Variants in SLC24A2 observed in about 807,000 individuals in gnomAD.
The protein encoded by SLC24A2 is sodium/potassium/calcium exchanger 2.
In SLC24A2, 36 loss-of-function variants were observed where a neutral mutation model predicts 62.0. That is an observed-to-expected ratio of 0.58 (90% CI 0.44 to 0.77). SLC24A2 has a LOEUF of 0.77. Ranked by LOEUF, SLC24A2 falls within the 30% of genes least tolerant of loss-of-function variation. The pLI is 0.00. For synonymous variants in SLC24A2, 358 were observed against 294.0 expected, an observed-to-expected ratio of 1.22 and a Z score of -2.23; for missense variants, 846 against 817.9, an observed-to-expected ratio of 1.03 and a Z score of -0.42.
the SLC24A2 span, among the ~76,000 whole-genome samples, chr9:20,085,975 T>C: frequency 6.6e-6 from 1 of 152,166 alleles, no homozygotes; most frequent in East Asian, 1.9e-4. Context: ...TTAACTTCTA[T>C]TGGCAGGATT....
the SLC24A2 span, among the ~76,000 whole-genome samples, chr9:20,006,154 C>T: frequency 6.6e-6 from 1 of 150,972 alleles, no homozygotes; most frequent in Non-Finnish European, 1.5e-5. Context: ...TTTATATATA[C>T]CTACTTTTCA....
At chr9:19,669,424 T>C (rs77245226) in intron 2 of SLC24A2, among the ~76,000 whole-genome samples, 5,036 of 152,234 alleles carry the variant, frequency 0.033, 184 homozygotes, top group East Asian at 0.093. Context: ...GTCCAAAATG[T>C]CAACAATGCA....
chr9:20,034,670 G>A, the SLC24A2 span, among the ~76,000 whole-genome samples: 1 of 151,820 alleles, frequency 6.6e-6, no homozygotes, highest in Admixed American at 6.6e-5. Flanking sequence ...GGGTTTCACC[G>A]TGTTAGCCAG....
the SLC24A2 span, among the ~76,000 whole-genome samples, chr9:19,884,908 G>T: frequency 8.5e-4 from 129 of 152,214 alleles, 1 homozygote; most frequent in Middle Eastern, 0.01. Flanking sequence ...TTTGACTTAG[G>T]ATTTTTTCAA....
the SLC24A2 span, among the ~76,000 whole-genome samples, chr9:19,989,941 A>G: frequency 2.0e-5 from 3 of 152,196 alleles, no homozygotes; most frequent in African/African-American, 7.2e-5. Context: ...GTAAGTGCCT[A>G]GAATGTCAGA....
the SLC24A2 span, among the ~76,000 whole-genome samples, chr9:20,019,083 G>GAGAAAGAGAGAAAGAA: frequency 9.4e-6 from 1 of 105,966 alleles, no homozygotes; most frequent in African/African-American, 3.4e-5. Flanking sequence ...CAGAGAAAGA[G>GAGAAAGAGAGAAAGAA]AGAAAGAAAG....
At chr9:20,086,676 C>T in the SLC24A2 span, among the ~76,000 whole-genome samples, 64 of 152,160 alleles carry the variant, frequency 4.2e-4, 1 homozygote, top group South Asian at 2.1e-4. Context: ...AGGTCACTAA[C>T]CTTTGCTCCT....
intron 2 of SLC24A2, among the ~76,000 whole-genome samples, chr9:19,719,033 G>A (rs1820947890): frequency 6.6e-6 from 1 of 152,156 alleles, no homozygotes; most frequent in Admixed American, 6.6e-5. Context: ...TTTGTAAAAG[G>A]AGTCTCAGTC....
chr9:19,722,648 A>G (rs1821060223), intron 2 of SLC24A2, among the ~76,000 whole-genome samples: 2 of 65,344 alleles, frequency 3.1e-5, no homozygotes, highest in Non-Finnish European at 5.6e-5. Flanking sequence ...AAGTTAAGAA[A>G]TAGGATATTA....
At chr9:20,096,014 G>A in the SLC24A2 span, among the ~76,000 whole-genome samples, 1 of 152,096 alleles carries the variant, frequency 6.6e-6, no homozygotes, top group African/African-American at 2.4e-5. Context: ...GTGGAATTAT[G>A]GGAGCTACAA....
the SLC24A2 span, among the ~76,000 whole-genome samples, chr9:20,207,307 A>G: frequency 6.6e-6 from 1 of 152,208 alleles, no homozygotes; most frequent in African/African-American, 2.4e-5. Context: ...AAGCTTATCT[A>G]TGGCTTACCC....
At chr9:20,002,641 CCA>C in the SLC24A2 span, among the ~76,000 whole-genome samples, 3 of 152,264 alleles carry the variant, frequency 2.0e-5, no homozygotes, top group East Asian at 5.8e-4. Flanking sequence ...ACTCTCTTAA[CCA>C]CAGATGGGAC....
At chr9:20,243,964 G>C in the SLC24A2 span, among the ~76,000 whole-genome samples, 1 of 152,206 alleles carries the variant, frequency 6.6e-6, no homozygotes, top group East Asian at 1.9e-4. Context: ...TGGGGAGGAG[G>C]GGGATCAGGC....
chr9:19,874,060 TTTTTC>T, the SLC24A2 span, among the ~76,000 whole-genome samples: 16 of 145,602 alleles, frequency 1.1e-4, no homozygotes, highest in African/African-American at 2.9e-4. Flanking sequence ...GATATTGTTC[TTTTTC>T]TTTTCTTTTC....
the SLC24A2 span, among the ~76,000 whole-genome samples, chr9:20,214,068 C>A: frequency 9.2e-5 from 14 of 152,070 alleles, no homozygotes; most frequent in African/African-American, 3.4e-4. Context: ...AAAATATTTC[C>A]TTGTAGGTAT....
At chr9:19,688,656 T>C (rs371751107) in intron 2 of SLC24A2, among the ~76,000 whole-genome samples, 1 of 152,132 alleles carries the variant, frequency 6.6e-6, no homozygotes, top group East Asian at 1.9e-4. Context: ...CAAAGCAGAA[T>C]GTGTTGCTGG....
At chr9:20,099,971 T>TA in the SLC24A2 span, among the ~76,000 whole-genome samples, 1 of 152,156 alleles carries the variant, frequency 6.6e-6, no homozygotes, top group Non-Finnish European at 1.5e-5. Flanking sequence ...TGACTATTTT[T>TA]ATTACTCTCT....
the SLC24A2 span, among the ~76,000 whole-genome samples, chr9:19,990,629 AC>A: frequency 4.1e-5 from 6 of 147,300 alleles, no homozygotes; most frequent in South Asian, 2.1e-4. Context: ...AAAAAAAAAA[AC>A]AAAACAAAAA....
At chr9:20,238,018 C>A in the SLC24A2 span, among the ~76,000 whole-genome samples, 2 of 152,218 alleles carry the variant, frequency 1.3e-5, no homozygotes, top group East Asian at 3.9e-4. Flanking sequence ...TAATTTGGAG[C>A]TCCTGACTTG....
Sources: allele counts gnomAD v4.1 joint callset (sites outside exome capture counted in the v4.1 genomes callset), GRCh38; gene constraint gnomAD v4.1.1; transcripts MANE v1.5; gene names NCBI Gene and HGNC (gene_info 2026-07-23, HGNC 2026-07-21).